Variants in ZFAT observed in about 807,000 individuals in gnomAD.
ZFAT encodes zinc finger and AT-hook domain containing, also known as zinc finger protein ZFAT.
A neutral mutation model predicts 117.7 loss-of-function variants in ZFAT; 64 were observed. The observed-to-expected ratio is 0.54, with a 90% CI of 0.44 to 0.67. The LOEUF is 0.67. Among genes scored for constraint, ZFAT ranks in the 30% least tolerant of loss-of-function variants. ZFAT has a pLI of 0.00. For missense variants in ZFAT, 1,433 were observed against 1,584.5 expected (o/e 0.90, Z 1.62); for synonymous variants, 679 against 615.0 (o/e 1.10, Z -1.54).
At chr8:134,684,835 G>A (rs1007858617) in intron 1 of ZFAT, among the ~76,000 whole-genome samples, 8 of 152,256 alleles carry the variant, frequency 5.3e-5, no homozygotes, top group African/African-American at 1.9e-4. Context: ...CCAGATTCCA[G>A]AACTGCAAAT....
chr8:134,754,853 T>C, the ZFAT span, among the ~76,000 whole-genome samples: 39 of 149,720 alleles, frequency 2.6e-4, no homozygotes, highest in African/African-American at 9.6e-4. Flanking sequence ...TGACAAAGGA[T>C]GCAGCAAGTC....
intron 3 of ZFAT, among the ~76,000 whole-genome samples, chr8:134,632,330 C>T (rs1007016764): frequency 4.6e-5 from 7 of 152,160 alleles, no homozygotes; most frequent in Non-Finnish European, 8.8e-5. Flanking sequence ...ATATAACATA[C>T]CAAATATGTG....
intron 1 of ZFAT, among the ~76,000 whole-genome samples, chr8:134,672,110 C>T (rs1036153488): frequency 6.6e-6 from 1 of 152,212 alleles, no homozygotes; most frequent in Non-Finnish European, 1.5e-5. Context: ...AAAGAGGATA[C>T]AAACAAATGG....
intron 1 of ZFAT, among the ~76,000 whole-genome samples, chr8:134,692,898 G>A (rs960418168): frequency 2.0e-5 from 3 of 152,178 alleles, no homozygotes; most frequent in Admixed American, 1.3e-4. Flanking sequence ...TATGGATAGT[G>A]AGATCCAGAT....
intron 1 of ZFAT, among the ~76,000 whole-genome samples, chr8:134,688,619 G>C (rs1238757672): frequency 2.6e-5 from 4 of 152,174 alleles, no homozygotes; most frequent in Non-Finnish European, 5.9e-5. Context: ...CAGGTGCTTG[G>C]AGGAGCTGTC....
chr8:134,676,642 C>A (rs1832818440), intron 1 of ZFAT, among the ~76,000 whole-genome samples: 1 of 152,190 alleles, frequency 6.6e-6, no homozygotes, highest in African/African-American at 2.4e-5. Flanking sequence ...ACAGAATAAA[C>A]ATTCTTCTCA....
chr8:134,683,801 AGCCT>A (rs1179487655), intron 1 of ZFAT, among the ~76,000 whole-genome samples: 5 of 152,194 alleles, frequency 3.3e-5, no homozygotes, highest in African/African-American at 1.2e-4. Flanking sequence ...GCACTTAGAA[AGCCT>A]GCTCTGTCTG....
chr8:134,824,081 C>G, the ZFAT span, among the ~76,000 whole-genome samples: 1 of 152,212 alleles, frequency 6.6e-6, no homozygotes, highest in Non-Finnish European at 1.5e-5. Context: ...GGTCTCTGCT[C>G]TCAAGGGAGG....
chr8:134,672,429 G>C (rs1379336135), intron 1 of ZFAT, among the ~76,000 whole-genome samples: 1 of 152,162 alleles, frequency 6.6e-6, no homozygotes, highest in East Asian at 1.9e-4. Flanking sequence ...AGGGTGGAAG[G>C]ATAGCATTAG....
At chr8:134,805,378 A>C in the ZFAT span, among the ~76,000 whole-genome samples, 1 of 152,236 alleles carries the variant, frequency 6.6e-6, no homozygotes, top group Non-Finnish European at 1.5e-5. Context: ...TTTATTTAAA[A>C]AAGCGTTAAT....
At chr8:134,727,618 A>G in the ZFAT span, among the ~76,000 whole-genome samples, 1 of 152,166 alleles carries the variant, frequency 6.6e-6, no homozygotes, top group Non-Finnish European at 1.5e-5. Flanking sequence ...GTGACTTCAA[A>G]ATGAATAGGG....
intron 3 of ZFAT, among the ~76,000 whole-genome samples, chr8:134,625,521 G>A (rs1270646414): frequency 1.3e-5 from 2 of 152,172 alleles, no homozygotes; most frequent in Non-Finnish European, 2.9e-5. Flanking sequence ...CCCTCTGCAG[G>A]TGGTTCACCT....
chr8:134,515,497 C>T (rs1010227060), intron 13 of ZFAT, among the ~76,000 whole-genome samples: 2 of 152,206 alleles, frequency 1.3e-5, no homozygotes. Context: ...TTAATGATCA[C>T]CATTCTAACT....
chr8:134,637,966 T>C (rs1009603247), intron 2 of ZFAT, among the ~76,000 whole-genome samples: 2 of 152,216 alleles, frequency 1.3e-5, no homozygotes, highest in Non-Finnish European at 2.9e-5. Context: ...GCTGTACATC[T>C]TTCTCCAGCA....
At chr8:134,645,186 T>C (rs1046176401) in intron 2 of ZFAT, among the ~76,000 whole-genome samples, 2 of 152,250 alleles carry the variant, frequency 1.3e-5, no homozygotes, top group African/African-American at 4.8e-5. Context: ...GGCTTCACGT[T>C]ATAACGAGAG....
intron 13 of ZFAT, among the ~76,000 whole-genome samples, chr8:134,518,284 G>A (rs1191184447): frequency 6.6e-6 from 1 of 152,120 alleles, no homozygotes; most frequent in Non-Finnish European, 1.5e-5. Context: ...CTTTGGGATG[G>A]TTTCCTAACA....
rs1044827511 is a variant in ZFAT at position 134,702,939 on chromosome 8, G to A, written c.19+9906C>T. 5.3e-5 allele frequency among the ~76,000 whole-genome samples: 8 copies of A among 152,278 alleles called. No homozygotes were observed. In the East Asian group the frequency reaches 1.5e-3, roughly 29 times the overall value. ...GCCGGCCTCGGCCTCCCAAAGTGCTGGGATTATAGGCGTGAGCCACCGCAC... is the reference window on the plus strand; with the variant it reads ...GCCGGCCTCGGCCTCCCAAAGTGCTAGGATTATAGGCGTGAGCCACCGCAC... On this transcript the variant is annotated intron_variant, in intron 1 of 15. Transcript: ENST00000377838.
chr8:134,734,626 G>A, the ZFAT span, among the ~76,000 whole-genome samples: 1 of 152,320 alleles, frequency 6.6e-6, no homozygotes, highest in Non-Finnish European at 1.5e-5. Context: ...TGGAGAAGCA[G>A]CTAAACTACC....
rs36097833 is a variant in ZFAT, at chr8:134,534,775, A to AAGAGAGAGAGAGAG, written c.2977-1817_2977-1804dup. Reference sequence around the variant, plus strand: ...AGAGGGGGAGAGGGAGAGAGGGAGAAAGAGAGAGAGAGAGAGAGAGAGGAG... The same window carrying AAGAGAGAGAGAGAG: ...AGAGGGGGAGAGGGAGAGAGGGAGAAAGAGAGAGAGAGAGAGAGAGAGAGAGAGAGAGAGAGGAG... On this transcript the variant is annotated intron_variant, in intron 11 of 15. Transcript: ENST00000377838. 4.4e-3 allele frequency among the ~76,000 whole-genome samples: 595 copies of AAGAGAGAGAGAGAG among 136,400 alleles called. 9 individuals are homozygous for AAGAGAGAGAGAGAG. The highest frequency in any genetic ancestry group is 4.9e-3 in the South Asian group (20 of 4,120). The allele number at this position is 136,400 out of a possible 152,430, so 89.5% of individuals were successfully genotyped here.
Sources: gnomAD v4.1 joint callset for allele counts (sites outside exome capture counted in the v4.1 genomes callset) on GRCh38, gnomAD v4.1.1 for gene constraint, MANE v1.5 for transcripts, NCBI Gene and HGNC (gene_info 2026-07-23, HGNC 2026-07-21) for gene names.